The following MAN2B1 variants were observed in gnomAD, a reference collection of about 807,000 sequenced individuals.
MAN2B1 encodes lysosomal alpha-mannosidase.
MAN2B1 carries 99 observed loss-of-function variants against 127.5 expected under a neutral mutation model. The observed-to-expected ratio is 0.78, with a 90% CI of 0.66 to 0.92. MAN2B1 has a LOEUF of 0.92. MAN2B1 is among the 40% of genes least tolerant of loss of function. The probability of loss-of-function intolerance (pLI) is 0.00; values close to 1 mark genes in which losing one functional copy is unlikely to be tolerated. For synonymous variants in MAN2B1, 573 were observed against 568.8 expected (o/e 1.01, Z -0.11); for missense variants, 1,304 against 1,384.8 (o/e 0.94, Z 0.93).
At chr19:12,665,935 C>A in intron 1 of MAN2B1, 130 bp from the exon 2 acceptor site, 1 of 730,798 alleles carries the variant, frequency 1.4e-6, no homozygotes, top group Non-Finnish European at 2.4e-6. Context: ...GGAGGCCAGG[C>A]CCTCCCAGGC....
chr19:12,663,720 G>T lies in MAN2B1; in HGVS notation c.746C>A (p.Thr249Asn). The T allele has an allele frequency of 1.9e-6, 3 of 1,612,784 alleles. No individual in the cohort carries two copies. Among genetic ancestry groups the T allele is most frequent in the Non-Finnish European group, 2.5e-6 (3 of 1,179,604 alleles). The change falls in exon 5 of 24, where the codon ACC (threonine) becomes AAC (asparagine). Residue 249 changes from threonine to asparagine, a missense_variant. Physicochemically the swap from Thr to Asn is moderately conservative, Grantham distance 65 (BLOSUM62 0). Coordinates refer to ENST00000456935, the MANE Select transcript of MAN2B1 (RefSeq NM_000528.4). The part of the protein sequence containing the change: ...WRASTSLKPP[T>N]ADLFTGVLPN... Reference sequence around the variant, plus strand: ...CCCCCTACCAGTGAAGAGGTCCGCGGTCGGGGGCTTCAGGCTGGTGCTGGC... The same window carrying T: ...CCCCCTACCAGTGAAGAGGTCCGCGTTCGGGGGCTTCAGGCTGGTGCTGGC...
chr19:12,653,885 AT>A (rs1208815411), intron 14 of MAN2B1, among the ~76,000 whole-genome samples: 1 of 151,208 alleles, frequency 6.6e-6, no homozygotes, highest in Non-Finnish European at 1.5e-5. Context: ...CGCCCAGTTA[AT>A]TTTTGTATTT....
At chr19:12,649,259 C>T (rs1337680928) in intron 19 of MAN2B1, 43 bp from the exon 20 acceptor site, 2 of 1,606,278 alleles carry the variant, frequency 1.2e-6, no homozygotes, top group South Asian at 1.1e-5. Flanking sequence ...CAACCCCAAC[C>T]CCAGGCAGCT....
Position 12,647,797 on chromosome 19 carries a change from T to C in MAN2B1, c.2665-199A>G. ...TGGGGAGATGGGTCGGTCCCAAGCT[T>C]AGGGTTCGAGTCCCGATGGAGCAGA... On this transcript the variant is annotated intron_variant, in intron 21 of 23. Transcript: ENST00000456935. The surrounding 1 kb of genome is among the most constrained non-coding windows in gnomAD (Gnocchi z 4.9). 1.6e-6 allele frequency: 1 copy of C among 606,758 alleles called. No homozygotes were observed. The highest frequency in any genetic ancestry group is 2.9e-6 in the Non-Finnish European group (1 of 343,952). 37.6% of individuals were successfully genotyped at this position (606,758 alleles called of 1,614,324 possible). A position where few individuals can be genotyped will look rare whatever the true frequency, so the allele number is the denominator to read the frequency against.
At chr19:12,652,300 AG>A in intron 15 of MAN2B1, 30 bp from the exon 16 acceptor site, 1 of 1,608,776 alleles carries the variant, frequency 6.2e-7, no homozygotes. Flanking sequence ...GAGTCAGGTA[AG>A]GGGCCCTAGC....
rs1568300452 is a variant in MAN2B1 at position 12,652,257 on chromosome 19, T to C, written c.1942A>G (p.Ile648Val). The C allele has an allele frequency of 6.8e-6, 11 of 1,614,110 alleles. No homozygotes were observed. The highest frequency in any genetic ancestry group is 9.3e-6 in the Non-Finnish European group (11 of 1,179,984). ...RQTFFWYNAS[I>V]GDNESDQASG... is the part of the protein sequence containing the mutation. ...GCCTGGTCACTTTCGTTGTCACCTA[T>C]ACTGGCGTTGTACCTGGAGTTGGGG... The change falls in exon 16 of 24, where the codon ATA (isoleucine) becomes GTA (valine). Residue 648 changes from isoleucine to valine, a missense_variant. Ile to Val is a conservative substitution (Grantham distance 29). Transcript: ENST00000456935.
intron 7 of MAN2B1, among the ~76,000 whole-genome samples, chr19:12,659,588 C>G (rs926530533): frequency 4.0e-5 from 6 of 151,452 alleles, no homozygotes; most frequent in African/African-American, 1.4e-4. Flanking sequence ...GAGGCCAAGG[C>G]GGACGGATCA....
Position 12,649,148 on chromosome 19 carries a change from C to T in MAN2B1, c.2424G>A (p.Ser808=), listed in dbSNP as rs762947868. ...SQGGSSLRDG[S]LELMVHRRLL... ...CTGACCCACTCACCATGAGCTCCAGCGAGCCATCTCTCAGGCTGCTGCCCC... is the reference window on the plus strand; with the variant it reads ...CTGACCCACTCACCATGAGCTCCAGTGAGCCATCTCTCAGGCTGCTGCCCC... The change falls in exon 20 of 24, where the codon TCG becomes TCA. Residue 808 remains serine, a synonymous_variant. Coordinates refer to ENST00000456935, the MANE Select transcript of MAN2B1 (RefSeq NM_000528.4). 9 of 1,612,004 alleles carry T rather than the reference C, an allele frequency of 5.6e-6. No individual in the cohort carries two copies. The highest frequency in any genetic ancestry group is 1.3e-5 in the African/African-American group (1 of 74,838).
intron 11 of MAN2B1, 151 bp from the exon 12 acceptor site, chr19:12,657,207 A>G: frequency 1.4e-6 from 1 of 706,772 alleles, no homozygotes; most frequent in Non-Finnish European, 2.5e-6. Flanking sequence ...GCCCTTGACT[A>G]TACCCCATAG....
At chr19:12,648,544 T>C (rs2023759264) in intron 20 of MAN2B1, 142 bp from the exon 21 acceptor site, 4 of 666,402 alleles carry the variant, frequency 6.0e-6, no homozygotes, top group Non-Finnish European at 2.6e-6. Flanking sequence ...GAGGGTCTGG[T>C]AGGGCAACCC....
At chr19:12,665,281 T>G (rs1021709682) in intron 3 of MAN2B1, 71 bp downstream of exon 3, 25 of 1,575,302 alleles carry the variant, frequency 1.6e-5, no homozygotes, top group Non-Finnish European at 2.1e-5. Flanking sequence ...ATGACAAATC[T>G]CAGAAACCAG....
At chr19:12,653,974 C>T (rs570305884) in intron 14 of MAN2B1, among the ~76,000 whole-genome samples, 100 of 152,240 alleles carry the variant, frequency 6.6e-4, no homozygotes, top group African/African-American at 2.4e-3. Context: ...CAGCCTCAGC[C>T]TCCCAAAGTC....
intron 7 of MAN2B1, among the ~76,000 whole-genome samples, chr19:12,660,109 T>C (rs2024067204): frequency 6.6e-6 from 1 of 152,118 alleles, no homozygotes; most frequent in South Asian, 2.1e-4. Context: ...TGCCCAAAAG[T>C]GTCCATGTCC....
In MAN2B1 at chr19:12,657,429, A is replaced by C; in HGVS notation, c.1419+17T>G. On this transcript the variant is annotated intron_variant, in intron 11 of 23. Coordinates refer to ENST00000456935, the MANE Select transcript of MAN2B1 (RefSeq NM_000528.4). ...CCTGTCTCCACCCCCGTGTCTCCCA[A>C]GTCTCGCCCCGCGCACCTCGCAAGG... 6.5e-7 allele frequency: 1 copy of C among 1,545,682 alleles called. No individual in the cohort carries two copies. Among genetic ancestry groups the C allele is most frequent in the Admixed American group, 2.0e-5 (1 of 50,934 alleles).
chr19:12,658,606 G>A lies in MAN2B1; in HGVS notation c.1027-96C>T, dbSNP rs1599352581. The A allele has an allele frequency of 3.7e-6, 4 of 1,088,882 alleles. No individual in the cohort carries two copies. The East Asian group carries it at 1.0e-4, about 28-fold the overall frequency. The allele number at this position is 1,088,882 out of a possible 1,614,324, so 67.5% of individuals were successfully genotyped here. A position where few individuals can be genotyped will look rare whatever the true frequency, so the allele number is the denominator to read the frequency against. On this transcript the variant is annotated intron_variant, in intron 7 of 23. Transcript: ENST00000456935. ...GTGTGCACATTCATGCATCCCATAG[G>A]TTCAGTTTCTCTAAATACATATTTG... is the stretch of plus-strand genomic sequence containing the variant.
At chr19:12,653,641 G>A (rs2023893439) in intron 14 of MAN2B1, among the ~76,000 whole-genome samples, 1 of 152,030 alleles carries the variant, frequency 6.6e-6, no homozygotes, top group Non-Finnish European at 1.5e-5. Context: ...AGAGATGGGG[G>A]TCCCACTATG....
Position 12,666,596 on chromosome 19 carries a change from A to G in MAN2B1, c.106T>C (p.Cys36Arg), listed in dbSNP as rs1211569646. Residue 36 changes from cysteine (C) to arginine (R), a missense_variant, in exon 1 of 24, where the codon TGC becomes CGC. By Grantham distance (180) the Cys-to-Arg change is radical. Coordinates refer to ENST00000456935, the MANE Select transcript of MAN2B1 (RefSeq NM_000528.4). ...GCCGCCAGCAACAAAAGGAAAAAGC[A>G]GAGAGGCGGGAGCGGTGGCCGCAGG... Reference protein sequence around the residue: ...RALRPPLPPLCFFLLLLAAAG... With the variant: ...RALRPPLPPLRFFLLLLAAAG... 4 of 1,579,280 alleles carry G rather than the reference A, an allele frequency of 2.5e-6. No homozygotes were observed. The South Asian group carries it at 4.6e-5, about 18-fold the overall frequency.
chr19:12,654,199 C>T (rs563033252), intron 14 of MAN2B1, among the ~76,000 whole-genome samples: 2 of 152,128 alleles, frequency 1.3e-5, no homozygotes, highest in African/African-American at 4.8e-5. Flanking sequence ...CTCGCCACCA[C>T]GCCTGGCTAA....
At chr19:12,665,117 G>T in intron 3 of MAN2B1, 132 bp from the exon 4 acceptor site, 1 of 1,063,498 alleles carries the variant, frequency 9.4e-7, no homozygotes, top group Non-Finnish European at 1.4e-6. Flanking sequence ...TCGCTCCCAG[G>T]CCATAGTTCC....
Sources: allele counts gnomAD v4.1 joint callset (sites outside exome capture counted in the v4.1 genomes callset), GRCh38; gene constraint gnomAD v4.1.1; non-coding constraint Gnocchi (gnomAD v3.1); transcripts MANE v1.5; gene names NCBI Gene and HGNC (gene_info 2026-07-23, HGNC 2026-07-21).